RHOJ: variants seen among roughly 807,000 people sequenced by gnomAD.
RHOJ encodes the protein ras homolog family member J.
Under a neutral mutation model 23.4 loss-of-function variants are expected in RHOJ, and 11 were observed. The observed-to-expected ratio is 0.47, with a 90% confidence interval of 0.30 to 0.78. The LOEUF (loss-of-function observed/expected upper bound fraction) is 0.78, where lower values mean the gene tolerates loss of function less well. Among genes scored for constraint, RHOJ ranks in the 30% least tolerant of loss-of-function variants. The probability of loss-of-function intolerance (pLI) is 0.08; values close to 1 mark genes in which losing one functional copy is unlikely to be tolerated. For missense variants in RHOJ, 254 were observed against 273.4 expected (o/e 0.93, Z 0.50); for synonymous variants, 102 against 102.7 (o/e 0.99, Z 0.04).
chr14:63,281,032 T>C lies in RHOJ; in HGVS notation c.299T>C (p.Phe100Ser). ...AACACGGATGTGTTTTTGATCTGCT[T>C]CTCTGTCGTAAACCCTGCCTCTTAC... ...YPNTDVFLIC[F>S]SVVNPASYHN... Residue 100 changes from phenylalanine (F) to serine (S), a missense_variant, in exon 3 of 5, where the codon TTC (phenylalanine) becomes TCC (serine). Coordinates refer to ENST00000316754, the MANE Select transcript of RHOJ (RefSeq NM_020663.5). The C allele has an allele frequency of 6.2e-7, 1 of 1,614,114 alleles. No homozygotes were observed. Among genetic ancestry groups the C allele is most frequent in the African/African-American group, 1.3e-5 (1 of 75,022 alleles).
intron 1 of RHOJ, among the ~76,000 whole-genome samples, chr14:63,208,994 G>A (rs139424686): frequency 3.9e-5 from 6 of 152,078 alleles, no homozygotes; most frequent in African/African-American, 1.4e-4. Flanking sequence ...CAAAAACTTT[G>A]GTATTGACTC....
chr14:63,276,513 A>C (rs1027827438), intron 2 of RHOJ, among the ~76,000 whole-genome samples: 1 of 152,092 alleles, frequency 6.6e-6, no homozygotes, highest in Non-Finnish European at 1.5e-5. Flanking sequence ...ATTCTTATTC[A>C]CCTTATATAG....
chr14:63,225,157 T>C (rs2139741510), intron 1 of RHOJ, among the ~76,000 whole-genome samples: 1 of 152,262 alleles, frequency 6.6e-6, no homozygotes, highest in East Asian at 1.9e-4. Context: ...TTCACTCTGT[T>C]AGCCAGGATG....
chr14:63,231,602 G>A (rs1032741065), intron 1 of RHOJ, among the ~76,000 whole-genome samples: 32 of 152,130 alleles, frequency 2.1e-4, no homozygotes, highest in African/African-American at 5.1e-4. Context: ...CACTCAGCTC[G>A]GTATTGCAGT....
intron 1 of RHOJ, among the ~76,000 whole-genome samples, chr14:63,205,601 T>C (rs951564409): frequency 3.9e-5 from 6 of 152,220 alleles, no homozygotes; most frequent in Non-Finnish European, 7.3e-5. Flanking sequence ...TTTTAAAAGG[T>C]TTTAAATATC....
At chr14:63,250,997 T>C (rs1895060739) in intron 1 of RHOJ, among the ~76,000 whole-genome samples, 1 of 152,138 alleles carries the variant, frequency 6.6e-6, no homozygotes. Flanking sequence ...ATTTCACCAT[T>C]GCACTCCAGC....
At chr14:63,248,015 G>A (rs889128104) in intron 1 of RHOJ, among the ~76,000 whole-genome samples, 6 of 152,038 alleles carry the variant, frequency 3.9e-5, no homozygotes, top group Non-Finnish European at 5.9e-5. Context: ...GGGGGAAACT[G>A]CCCCCATAAA....
At chr14:63,272,768 G>A (rs1408459375) in intron 2 of RHOJ, among the ~76,000 whole-genome samples, 1 of 152,220 alleles carries the variant, frequency 6.6e-6, no homozygotes, top group Non-Finnish European at 1.5e-5. Flanking sequence ...GCTCATGCCT[G>A]TAATCCCAGC....
chr14:63,255,224 G>A (rs1895142500), intron 1 of RHOJ, among the ~76,000 whole-genome samples: 1 of 152,070 alleles, frequency 6.6e-6, no homozygotes, highest in Non-Finnish European at 1.5e-5. Flanking sequence ...GCAGCTCTCT[G>A]CAGGAATTCA....
intron 1 of RHOJ, among the ~76,000 whole-genome samples, chr14:63,256,367 T>C (rs772442962): frequency 2.6e-5 from 4 of 152,224 alleles, no homozygotes; most frequent in African/African-American, 7.2e-5. Flanking sequence ...GCTAGACATT[T>C]GTCCTTTAAG....
intron 1 of RHOJ, among the ~76,000 whole-genome samples, chr14:63,252,870 T>C (rs1318428210): frequency 6.6e-6 from 1 of 152,148 alleles, no homozygotes; most frequent in Non-Finnish European, 1.5e-5. Context: ...ACTTCGGCCT[T>C]CCCAGTAACT....
intron 1 of RHOJ, among the ~76,000 whole-genome samples, chr14:63,208,077 G>C (rs910261219): frequency 6.6e-6 from 1 of 152,164 alleles, no homozygotes; most frequent in African/African-American, 2.4e-5. Context: ...CATGTTTACT[G>C]ATAATTAACA....
intron 1 of RHOJ, among the ~76,000 whole-genome samples, chr14:63,217,349 G>C (rs1210027327): frequency 1.3e-5 from 2 of 149,096 alleles, no homozygotes; most frequent in East Asian, 4.0e-4. Context: ...TTGGTTTTTT[G>C]TTCTTGCGAT....
intron 1 of RHOJ, among the ~76,000 whole-genome samples, chr14:63,250,004 T>G (rs1895040936): frequency 6.6e-6 from 1 of 152,162 alleles, no homozygotes. Flanking sequence ...AAATCAAATT[T>G]GGAAATAGGG....
Position 63,205,007 on chromosome 14 carries a change from C to G in RHOJ, c.138C>G (p.Phe46Leu). 1 of 1,614,184 alleles carries G rather than the reference C, an allele frequency of 6.2e-7. No homozygotes were observed. Among genetic ancestry groups the G allele is most frequent in the Non-Finnish European group, 8.5e-7 (1 of 1,180,034 alleles). Residue 46 changes from phenylalanine (F) to leucine (L), a missense_variant, in exon 1 of 5, where the codon TTC (phenylalanine) becomes TTG (leucine). Transcript: ENST00000316754. Reference sequence around the variant, plus strand: ...TGATGAGCTACGCCAACGACGCCTTCCCAGAGGAATACGTGCCCACTGTGT... The same window carrying G: ...TGATGAGCTACGCCAACGACGCCTTGCCAGAGGAATACGTGCCCACTGTGT... Reference protein sequence around the residue: ...CLLMSYANDAFPEEYVPTVFD... With the variant: ...CLLMSYANDALPEEYVPTVFD...
chr14:63,238,153 C>A (rs1459920696), intron 1 of RHOJ, among the ~76,000 whole-genome samples: 1 of 152,146 alleles, frequency 6.6e-6, no homozygotes, highest in East Asian at 1.9e-4. Flanking sequence ...AAAAATTGTA[C>A]AATTCAGGTA....
chr14:63,270,409 G>T (rs950976927), intron 2 of RHOJ, among the ~76,000 whole-genome samples: 7 of 152,096 alleles, frequency 4.6e-5, no homozygotes, highest in Admixed American at 1.3e-4. Flanking sequence ...CCCCTCATTG[G>T]CAGATGCCTG....
At chr14:63,241,161 A>G (rs1894876890) in intron 1 of RHOJ, among the ~76,000 whole-genome samples, 1 of 152,266 alleles carries the variant, frequency 6.6e-6, no homozygotes, top group South Asian at 2.1e-4. Context: ...AGGCCACGCC[A>G]TACGCGCATT....
intron 1 of RHOJ, among the ~76,000 whole-genome samples, chr14:63,215,540 G>C (rs1894336703): frequency 6.6e-6 from 1 of 152,122 alleles, no homozygotes. Context: ...GCCCTGTGTT[G>C]CCTTTGTTAT....
Sources: gnomAD v4.1 joint callset for allele counts (sites outside exome capture counted in the v4.1 genomes callset) on GRCh38, gnomAD v4.1.1 for gene constraint, MANE v1.5 for transcripts, NCBI Gene and HGNC (gene_info 2026-07-23, HGNC 2026-07-21) for gene names.